Variants in PVALEF observed in about 807,000 individuals in gnomAD.
PVALEF encodes the protein parvalbumin like EF-hand containing.
In PVALEF, 2 loss-of-function variants were observed where a neutral mutation model predicts 1.2. That is an observed-to-expected ratio of 1.68 (90% CI 0.69 to 5.28). The LOEUF (loss-of-function observed/expected upper bound fraction) is 5.28, where lower values mean the gene tolerates loss of function less well. Among genes scored for constraint, PVALEF ranks in the 30% most tolerant of loss-of-function variants. PVALEF has a pLI of 0.06. For missense variants in PVALEF, 35 were observed against 17.7 expected (o/e 1.97, Z -1.75); for synonymous variants, 16 against 6.5 (o/e 2.47, Z -2.24).
chr17:81,175,184 A>T (rs1277442347), intron 2 of PVALEF, among the ~76,000 whole-genome samples: 2 of 152,226 alleles, frequency 1.3e-5, no homozygotes, highest in African/African-American at 4.8e-5. Context: ...AGTACCATTG[A>T]AAAGAATAAA....
In PVALEF at chr17:81,171,995, C is replaced by T. The variant is rs1443204465; in HGVS notation, c.-340+5151C>T. Among the ~76,000 whole-genome samples, 3 of 152,310 alleles carry T rather than the reference C, an allele frequency of 2.0e-5. No homozygotes were observed. In the East Asian group the frequency reaches 5.8e-4, roughly 29 times the overall value. On this transcript the variant is annotated intron_variant, in intron 2 of 6. Transcript: ENST00000637878. ...GAGCCCCCACCACTCTGTGTTCAGT[C>T]CCCATGGACCGGCCCATTCTGGACA...
rs1043625459 is a variant in PVALEF, at chr17:81,181,115, C to T, written c.-104-8C>T. ...ACTGTGACGCCTGTCACCATTCCCA[C>T]TTTACAGCAGGATCCAGCACCACGC... On this transcript the variant is annotated splice_region_variant and splice_polypyrimidine_tract_variant and intron_variant, in intron 3 of 6. Transcript: ENST00000637878. 10 of 653,416 alleles carry T rather than the reference C, an allele frequency of 1.5e-5. No homozygotes were observed. Among genetic ancestry groups the T allele is most frequent in the Non-Finnish European group, 2.8e-5 (10 of 355,968 alleles). The allele number at this position is 653,416 out of a possible 1,614,324, so 40.5% of individuals were successfully genotyped here.
chr17:81,166,998 AAAGTTCAGTGG>A (rs1354672797), intron 2 of PVALEF, among the ~76,000 whole-genome samples, 154 bp downstream of exon 2: 1 of 152,138 alleles, frequency 6.6e-6, no homozygotes, highest in African/African-American at 2.4e-5. Context: ...CGGGAGAGTT[AAAGTTCAGTGG>A]AAGCTGGTCC....
intron 2 of PVALEF, among the ~76,000 whole-genome samples, chr17:81,171,485 C>T (rs2061520320): frequency 6.6e-6 from 1 of 152,154 alleles, no homozygotes; most frequent in Non-Finnish European, 1.5e-5. Flanking sequence ...GCATGATTTC[C>T]CACTCCACAT....
chr17:81,176,031 T>C (rs1206448603), intron 2 of PVALEF, among the ~76,000 whole-genome samples: 17 of 152,004 alleles, frequency 1.1e-4, no homozygotes, highest in Admixed American at 1.1e-3. Flanking sequence ...CATCTGAAAA[T>C]AGATGAATAA....
chr17:81,181,995 G>C lies in PVALEF; in HGVS notation c.272G>C (p.Gly91Ala), dbSNP rs2146452206. 5.0e-6 allele frequency: 2 copies of C among 398,702 alleles called. No homozygotes were observed. The highest frequency in any genetic ancestry group is 7.1e-5 in the East Asian group (2 of 28,078). The allele number at this position is 398,702 out of a possible 1,614,324, so 24.7% of individuals were successfully genotyped here. A position where few individuals can be genotyped will look rare whatever the true frequency, so the allele number is the denominator to read the frequency against. ...ATCCTGTCCATCATCCCCAGCAGCG[G>C]GCCCACCACCCCGCTGACAGACGAG... ...KYILSIIPSS[G>A]PTTPLTDEEA... is the part of the protein sequence containing the mutation. The change falls in exon 6 of 7, where the codon GGG (glycine) becomes GCG (alanine). Residue 91 changes from glycine to alanine, a missense_variant. Gly to Ala is a moderately conservative substitution (Grantham distance 60). Transcript: ENST00000637878.
At chr17:81,169,996 GTT>G (rs1367906107) in intron 2 of PVALEF, among the ~76,000 whole-genome samples, 18 of 146,724 alleles carry the variant, frequency 1.2e-4, no homozygotes, top group African/African-American at 4.3e-4. Context: ...ATGTGTGTGT[GTT>G]GGTGTGTCTG....
chr17:81,166,872 C>T (rs370385934), intron 2 of PVALEF, 28 bp downstream of exon 2: 19 of 362,206 alleles, frequency 5.2e-5, no homozygotes, highest in Non-Finnish European at 8.5e-5. Context: ...TTGGCCTGGG[C>T]GCTGAGGGGC....
At chr17:81,166,262 G>GA (rs1466388396) in intron 1 of PVALEF, among the ~76,000 whole-genome samples, 1 of 61,070 alleles carries the variant, frequency 1.6e-5, no homozygotes, top group Non-Finnish European at 3.9e-5. Flanking sequence ...GCGCGGGGGA[G>GA]GGGGGGGCCC....
At chr17:81,178,553 C>T (rs553474090) in intron 2 of PVALEF, among the ~76,000 whole-genome samples, 17 of 152,314 alleles carry the variant, frequency 1.1e-4, no homozygotes, top group African/African-American at 3.8e-4. Flanking sequence ...CCCCACCGGC[C>T]TGCAGGCTGT....
intron 3 of PVALEF, among the ~76,000 whole-genome samples, chr17:81,180,577 G>A (rs1030548610): frequency 9.7e-4 from 147 of 152,248 alleles, no homozygotes; most frequent in African/African-American, 3.2e-3. Flanking sequence ...CTGGCTCCTC[G>A]CACAACCCTG....
chr17:81,181,576 A>C lies in PVALEF; in HGVS notation c.124A>C (p.Lys42Gln). 2.3e-6 allele frequency: 1 copy of C among 440,034 alleles called. No individual in the cohort carries two copies. The highest frequency in any genetic ancestry group is 4.0e-6 in the Non-Finnish European group (1 of 251,998). 27.3% of individuals were successfully genotyped at this position (440,034 alleles called of 1,614,324 possible). The stretch of plus-strand genomic sequence containing the variant: ...TGCCCCAGGGTCCTTCAACTACCTC[A>C]AGTTCTTCAAGCACATCCGCAAGCT... ...MRHHGSFNYL[K>Q]FFKHIRKLHA... Residue 42 changes from lysine (K) to glutamine (Q), a missense_variant, in exon 5 of 7, where the codon AAG becomes CAG. By Grantham distance (53) the Lys-to-Gln change is moderately conservative. Coordinates refer to ENST00000637878, the MANE Select transcript of PVALEF (RefSeq NM_001354639.2).
chr17:81,175,641 T>C (rs1243741579), intron 2 of PVALEF, among the ~76,000 whole-genome samples: 1 of 152,180 alleles, frequency 6.6e-6, no homozygotes, highest in Non-Finnish European at 1.5e-5. Context: ...TCACATAATA[T>C]GGTCAAACGA....
At position 81,181,358 on chromosome 17, in the gene PVALEF, G is replaced by GC. The variant is rs930622416; in HGVS notation, c.106+32dup. 1.4e-5 allele frequency: 9 copies of GC among 629,694 alleles called. No individual in the cohort carries two copies. In the Middle Eastern group the frequency reaches 7.4e-4, roughly 52 times the overall value. 39.0% of individuals were successfully genotyped at this position (629,694 alleles called of 1,614,324 possible). Reference sequence around the variant, plus strand: ...GTACAGCATGCCCCCGCCCGGCGCGGCCCCCCGCCCGTCCAGCCCCGCTGT... The same window carrying GC: ...GTACAGCATGCCCCCGCCCGGCGCGGCCCCCCCGCCCGTCCAGCCCCGCTGT... On this transcript the variant is annotated intron_variant, in intron 4 of 6. Coordinates refer to ENST00000637878, the MANE Select transcript of PVALEF (RefSeq NM_001354639.2).
intron 4 of PVALEF, 25 bp downstream of exon 4, chr17:81,181,357 G>A (rs1224697973): frequency 2.5e-5 from 16 of 632,628 alleles, no homozygotes; most frequent in Non-Finnish European, 4.3e-5. Flanking sequence ...CGCCCGGCGC[G>A]GCCCCCCGCC....
chr17:81,170,078 A>G (rs1005909467), intron 2 of PVALEF, among the ~76,000 whole-genome samples: 1 of 143,370 alleles, frequency 7.0e-6, no homozygotes, highest in Non-Finnish European at 1.5e-5. Context: ...ATGTGTGTGC[A>G]TATGTGTAGG....
intron 3 of PVALEF, among the ~76,000 whole-genome samples, chr17:81,179,458 C>T (rs183033350): frequency 7.4e-4 from 113 of 152,316 alleles, no homozygotes; most frequent in African/African-American, 2.5e-3. Flanking sequence ...CTACAAGAGG[C>T]GGCTGTGAGC....
At chr17:81,171,783 T>C (rs949397074) in intron 2 of PVALEF, among the ~76,000 whole-genome samples, 2 of 152,170 alleles carry the variant, frequency 1.3e-5, no homozygotes, top group Non-Finnish European at 2.9e-5. Flanking sequence ...TGAGCCACCG[T>C]GCCCGGCCAC....
chr17:81,182,407 C>T (rs74002097), intron 6 of PVALEF, among the ~76,000 whole-genome samples: 12,541 of 152,266 alleles, frequency 0.082, 657 homozygotes, highest in East Asian at 0.17. Context: ...CTCACCCCCA[C>T]ACAACCCCAG....
Sources: allele counts gnomAD v4.1 joint callset (sites outside exome capture counted in the v4.1 genomes callset), GRCh38; gene constraint gnomAD v4.1.1; transcripts MANE v1.5; gene names NCBI Gene and HGNC (gene_info 2026-07-23, HGNC 2026-07-21).